The following FRMD6 variants were observed in gnomAD, a reference collection of about 807,000 sequenced individuals.
FRMD6 encodes FERM domain containing 6.
A neutral mutation model predicts 73.2 loss-of-function variants in FRMD6; 37 were observed. That is an observed-to-expected ratio of 0.51 (90% CI 0.39 to 0.66). The LOEUF is 0.66. FRMD6 is among the 30% of genes least tolerant of loss of function. The probability of loss-of-function intolerance (pLI) is 0.00; values close to 1 mark genes in which losing one functional copy is unlikely to be tolerated. For synonymous variants in FRMD6, 273 were observed against 282.2 expected (o/e 0.97, Z 0.33); for missense variants, 714 against 780.5 (o/e 0.91, Z 1.02).
chr14:51,693,447 G>A (rs1204237684), intron 2 of FRMD6, among the ~76,000 whole-genome samples: 10 of 152,140 alleles, frequency 6.6e-5, no homozygotes, highest in Admixed American at 5.9e-4. Context: ...GGAGTCACAG[G>A]TACCTGGGTT....
intron 2 of FRMD6, among the ~76,000 whole-genome samples, chr14:51,589,464 A>G (rs1194580681): frequency 6.6e-6 from 1 of 152,048 alleles, no homozygotes. Context: ...AGATCAAAGC[A>G]GATCTGCTTG....
chr14:51,552,393 A>G (rs573046267), intron 1 of FRMD6, among the ~76,000 whole-genome samples: 199 of 152,362 alleles, frequency 1.3e-3, no homozygotes, highest in African/African-American at 4.6e-3. Context: ...GGGATTGGAC[A>G]AACAGTTACA....
chr14:51,520,200 G>A (rs1463866578), intron 1 of FRMD6, among the ~76,000 whole-genome samples: 1 of 152,148 alleles, frequency 6.6e-6, no homozygotes, highest in Non-Finnish European at 1.5e-5. Context: ...AGATATATGA[G>A]TGGCCAAAAA....
the FRMD6 span, among the ~76,000 whole-genome samples, chr14:51,473,322 C>T: frequency 6.6e-6 from 1 of 152,164 alleles, no homozygotes; most frequent in African/African-American, 2.4e-5. Context: ...TGATCTTGAC[C>T]CAGCCACTTG....
intron 1 of FRMD6, among the ~76,000 whole-genome samples, chr14:51,559,541 A>G (rs1887361565): frequency 1.3e-5 from 2 of 151,570 alleles, no homozygotes; most frequent in South Asian, 4.2e-4. Context: ...GAGAGTTTAC[A>G]TCACCAAGCT....
At chr14:51,421,670 C>A in the FRMD6 span, among the ~76,000 whole-genome samples, 1 of 152,216 alleles carries the variant, frequency 6.6e-6, no homozygotes, top group Non-Finnish European at 1.5e-5. Context: ...TGAAGTGACA[C>A]ATCTGTGTCA....
intron 2 of FRMD6, among the ~76,000 whole-genome samples, chr14:51,587,435 A>G (rs1458357466): frequency 1.3e-5 from 2 of 152,204 alleles, no homozygotes; most frequent in African/African-American, 2.4e-5. Flanking sequence ...GGTTAATTGT[A>G]TGGCCGCGGT....
At chr14:51,604,542 G>A (rs1266344639) in intron 2 of FRMD6, among the ~76,000 whole-genome samples, 1 of 152,084 alleles carries the variant, frequency 6.6e-6, no homozygotes, top group African/African-American at 2.4e-5. Flanking sequence ...AATTGGGCCA[G>A]AAATAAAAAG....
Position 51,720,245 on chromosome 14 carries a change from C to T in FRMD6, c.1215C>T (p.Asp405=), listed in dbSNP as rs1271343220. ...TTGAGGCAGACACCAAGCCCCGGGA[C>T]ACGGGGCCAGAAGACAGCTACTCCA... The part of the protein sequence containing the change: ...SGIEADTKPR[D]TGPEDSYSSS... The change falls in exon 11 of 14, where the codon GAC becomes GAT. Residue 405 remains aspartate, a synonymous_variant. Transcript: ENST00000344768. 1.2e-6 allele frequency: 2 copies of T among 1,613,820 alleles called. No individual in the cohort carries two copies. Among genetic ancestry groups the T allele is most frequent in the African/African-American group, 1.3e-5 (1 of 74,878 alleles).
chr14:51,483,764 T>C, the FRMD6 span, among the ~76,000 whole-genome samples: 1 of 152,264 alleles, frequency 6.6e-6, no homozygotes, highest in Non-Finnish European at 1.5e-5. Flanking sequence ...GCTCAAACTA[T>C]TTAAAGTCAA....
intron 2 of FRMD6, among the ~76,000 whole-genome samples, chr14:51,594,282 G>A (rs977509204): frequency 3.3e-5 from 5 of 150,174 alleles, no homozygotes; most frequent in Admixed American, 1.3e-4. Context: ...GCACCACCAC[G>A]CCCAGCTAAT....
chr14:51,608,776 A>G lies in FRMD6; in HGVS notation c.-147+38366A>G, dbSNP rs114325807. Among the ~76,000 whole-genome samples the G allele has an allele frequency of 8.3e-3, 1,260 of 152,216 alleles. 16 individuals are homozygous for G. The highest frequency in any genetic ancestry group is 0.028 in the African/African-American group (1,177 of 41,530). ...TACACATTTGTCATTCATTCTTTCA[A>G]TACACATGTACGTTAGTGCACAGGA... On this transcript the variant is annotated intron_variant, in intron 2 of 14. Transcript: ENST00000356218.
chr14:51,501,398 T>G (rs1390850541), intron 1 of FRMD6, among the ~76,000 whole-genome samples: 1 of 151,972 alleles, frequency 6.6e-6, no homozygotes, highest in Non-Finnish European at 1.5e-5. Flanking sequence ...GGCCCCAGTG[T>G]GTTGTTTCCC....
At chr14:51,633,999 G>C (rs776931109) in intron 2 of FRMD6, among the ~76,000 whole-genome samples, 3 of 147,586 alleles carry the variant, frequency 2.0e-5, no homozygotes. Context: ...ACATGCCTGT[G>C]CATCATGCAT....
At chr14:51,575,744 TTTACG>T (rs1336136135) in intron 2 of FRMD6, 3 of 152,192 alleles carry the variant, frequency 2.0e-5, no homozygotes, top group African/African-American at 7.2e-5. Flanking sequence ...TCTGCCTTGT[TTTACG>T]TTTGCAGATG....
At chr14:51,568,845 CT>C (rs538670816) in intron 1 of FRMD6, among the ~76,000 whole-genome samples, 3,794 of 137,320 alleles carry the variant, frequency 0.028, 116 homozygotes, top group African/African-American at 0.085. Context: ...AAGGCTTTTA[CT>C]TTTTTTTTTT....
At chr14:51,477,723 T>C in the FRMD6 span, among the ~76,000 whole-genome samples, 1 of 125,380 alleles carries the variant, frequency 8.0e-6, no homozygotes, top group Admixed American at 9.7e-5. Flanking sequence ...TCTTTCTTTC[T>C]TTCTTTTCTT....
At chr14:51,519,226 A>G (rs144445422) in intron 1 of FRMD6, among the ~76,000 whole-genome samples, 13 of 131,054 alleles carry the variant, frequency 9.9e-5, no homozygotes, top group African/African-American at 3.8e-4. Flanking sequence ...GTGCAGTGGC[A>G]CAATCTTGGC....
At chr14:51,522,036 T>C (rs1308299953) in intron 1 of FRMD6, among the ~76,000 whole-genome samples, 1 of 152,186 alleles carries the variant, frequency 6.6e-6, no homozygotes, top group Non-Finnish European at 1.5e-5. Context: ...AGTGTAGTAA[T>C]CATTTAAAAT....
Sources: allele counts gnomAD v4.1 joint callset (sites outside exome capture counted in the v4.1 genomes callset), GRCh38; gene constraint gnomAD v4.1.1; transcripts MANE v1.5; gene names NCBI Gene and HGNC (gene_info 2026-07-23, HGNC 2026-07-21).